Variants in PPP2CA observed in about 807,000 individuals in gnomAD.
PPP2CA encodes the protein serine/threonine-protein phosphatase 2A catalytic subunit alpha isoform.
A neutral mutation model predicts 38.8 loss-of-function variants in PPP2CA; 5 were observed. That is an observed-to-expected ratio of 0.13 (90% CI 0.07 to 0.27). The LOEUF is 0.27. PPP2CA is among the 10% of genes least tolerant of loss of function. PPP2CA has a pLI of 1.00. For missense variants in PPP2CA, 88 were observed against 389.7 expected (o/e 0.23, Z 6.52); for synonymous variants, 152 against 134.0 (o/e 1.13, Z -0.93).
rs779374296 is a variant in PPP2CA at position 134,200,464 on chromosome 5, T to A, written c.609A>T (p.Pro203=). 2 of 1,614,098 alleles carry A rather than the reference T, an allele frequency of 1.2e-6. No individual in the cohort carries two copies. The highest frequency in any genetic ancestry group is 1.7e-6 in the Non-Finnish European group (2 of 1,179,980). ...ATATACCCCAACCACCACGGTCATC[T>A]GGATCTGACCACAGCAAGTCACACA... The part of the protein sequence containing the change: ...GPMCDLLWSD[P]DDRGGWGISP... The change falls in exon 5 of 7, where the codon CCA becomes CCT. Residue 203 remains proline (P), a synonymous_variant. Transcript: ENST00000481195.
At chr5:134,206,616 G>C (rs1762090132) in intron 1 of PPP2CA, among the ~76,000 whole-genome samples, 1 of 152,038 alleles carries the variant, frequency 6.6e-6, no homozygotes, top group African/African-American at 2.4e-5. Context: ...TCCCACCTCA[G>C]TAGTGGGGAC....
intron 1 of PPP2CA, among the ~76,000 whole-genome samples, chr5:134,224,736 A>T (rs1356370346): frequency 6.6e-6 from 1 of 152,248 alleles, no homozygotes; most frequent in Non-Finnish European, 1.5e-5. Flanking sequence ...CCCCAGGGGA[A>T]AACAAAAGGG....
Position 134,201,511 on chromosome 5 carries a change from T to C in PPP2CA, c.486+337A>G, listed in dbSNP as rs561590784. Among the ~76,000 whole-genome samples, 34 of 152,320 alleles carry C rather than the reference T, an allele frequency of 2.2e-4. 1 individual carries two copies. The highest frequency in any genetic ancestry group is 2.6e-4 in the Admixed American group (4 of 15,310). ...GTATCTTCATACTCATAAAATTTTATTGTAAGTTCTTTTGTGTGCACATCT... is the reference window on the plus strand; with the variant it reads ...GTATCTTCATACTCATAAAATTTTACTGTAAGTTCTTTTGTGTGCACATCT... On this transcript the variant is annotated intron_variant, in intron 3 of 6. Transcript: ENST00000481195.
chr5:134,211,476 ATTTTT>A (rs59314759), intron 1 of PPP2CA, among the ~76,000 whole-genome samples: 3 of 131,780 alleles, frequency 2.3e-5, no homozygotes, highest in Admixed American at 7.6e-5. Context: ...ATGGAAGACA[ATTTTT>A]TTTTTTTTTT....
In PPP2CA at chr5:134,197,300, T is replaced by TA. The variant is rs1761874728; in HGVS notation, c.*471dup. 6.5e-6 allele frequency: 1 copy of TA among 154,780 alleles called. No individual in the cohort carries two copies. 9.6% of individuals were successfully genotyped at this position (154,780 alleles called of 1,614,324 possible). ...TTAAATTAAACGGTATCCCTGAAAA[T>TA]AAAAAGAACAATTTCAAAACTCACA... On this transcript the variant is annotated 3_prime_UTR_variant, in exon 7 of 7. Coordinates refer to ENST00000481195, the MANE Select transcript of PPP2CA (RefSeq NM_002715.4).
Position 134,215,643 on chromosome 5 carries a change from T to C in PPP2CA, c.103-9512A>G, listed in dbSNP as rs538887569. On this transcript the variant is annotated intron_variant, in intron 1 of 6. Transcript: ENST00000481195. ...TTGTAGAGACAGGGTCTCACTATGC[T>C]GCCTAGGCTGGTCTTGAACTCCCGG... 1.1e-3 allele frequency among the ~76,000 whole-genome samples: 172 copies of C among 152,204 alleles called. 1 individual carries two copies. Among genetic ancestry groups the C allele is most frequent in the African/African-American group, 4.1e-3 (169 of 41,536 alleles).
chr5:134,213,416 G>GA (rs56697097), intron 1 of PPP2CA, among the ~76,000 whole-genome samples: 111,752 of 148,040 alleles, frequency 0.75, 42,391 homozygotes, highest in Non-Finnish European at 0.82. Context: ...CTACTGCTCA[G>GA]AAAAAAAAAA....
chr5:134,211,842 G>A (rs1430019220), intron 1 of PPP2CA, among the ~76,000 whole-genome samples: 1 of 152,104 alleles, frequency 6.6e-6, no homozygotes, highest in Non-Finnish European at 1.5e-5. Context: ...TTTTGGCTGA[G>A]TGCAGTGGCT....
At position 134,197,630 on chromosome 5, in the gene PPP2CA, T is replaced by G; in HGVS notation, c.*142A>C. 1.5e-6 allele frequency: 1 copy of G among 658,978 alleles called. No homozygotes were observed. The highest frequency in any genetic ancestry group is 2.7e-6 in the Non-Finnish European group (1 of 372,962). The allele number at this position is 658,978 out of a possible 1,614,324, so 40.8% of individuals were successfully genotyped here. On this transcript the variant is annotated 3_prime_UTR_variant, in exon 7 of 7. Transcript: ENST00000481195. ...GATGACAAGAGGCTTTGTATTTTTA[T>G]ATGGCACATCTTTTGGTCCATGTGA...
In PPP2CA at chr5:134,194,524, C is replaced by T. The variant is rs1023328374; in HGVS notation, c.*3248G>A. ...GTCACCACTGAAACAGAGAGTCGCA[C>T]GGTACATTTTAATTCCTTATCAACA... On this transcript the variant is annotated 3_prime_UTR_variant, in exon 7 of 7. Transcript: ENST00000481195. 6 of 152,282 alleles carry T rather than the reference C, an allele frequency of 3.9e-5. No homozygotes were observed. Among genetic ancestry groups the T allele is most frequent in the Admixed American group, 2.6e-4 (4 of 15,288 alleles). The allele number at this position is 152,282 out of a possible 1,614,324, so 9.4% of individuals were successfully genotyped here. A position where few individuals can be genotyped will look rare whatever the true frequency, so the allele number is the denominator to read the frequency against.
At chr5:134,218,629 C>T (rs1561742988) in intron 1 of PPP2CA, among the ~76,000 whole-genome samples, 1 of 151,848 alleles carries the variant, frequency 6.6e-6, no homozygotes, top group Non-Finnish European at 1.5e-5. Context: ...TTTCCTCCCT[C>T]ATCTGTGTAA....
rs1341449616 is a variant in PPP2CA at position 134,225,947 on chromosome 5, G to C, written c.-86C>G. 1 of 1,258,644 alleles carries C rather than the reference G, an allele frequency of 7.9e-7. No homozygotes were observed. Among genetic ancestry groups the C allele is most frequent in the African/African-American group, 1.5e-5 (1 of 65,934 alleles). The allele number at this position is 1,258,644 out of a possible 1,614,324, so 78.0% of individuals were successfully genotyped here. A position where few individuals can be genotyped will look rare whatever the true frequency, so the allele number is the denominator to read the frequency against. On this transcript the variant is annotated 5_prime_UTR_variant, in exon 1 of 7. Transcript: ENST00000481195. ...GGGCCTACACGCACACGCCGCCGCCGGTTCCTCGTGTACTTCTGGCGGCTG... is the reference window on the plus strand; with the variant it reads ...GGGCCTACACGCACACGCCGCCGCCCGTTCCTCGTGTACTTCTGGCGGCTG...
intron 1 of PPP2CA, among the ~76,000 whole-genome samples, chr5:134,207,610 G>C (rs376417234): frequency 6.6e-6 from 1 of 152,182 alleles, no homozygotes; most frequent in Non-Finnish European, 1.5e-5. Flanking sequence ...CTGGAGTACA[G>C]TGGCATGATC....
rs2239544 is a variant in PPP2CA at position 134,206,430 on chromosome 5, C to G, written c.103-299G>C. On this transcript the variant is annotated intron_variant, in intron 1 of 6. Coordinates refer to ENST00000481195, the MANE Select transcript of PPP2CA (RefSeq NM_002715.4). The stretch of plus-strand genomic sequence containing the variant: ...GCTGTCACATAAAACCAATGAAAAT[C>G]GAACAGGACATTCAGGTATCTACTT... Among the ~76,000 whole-genome samples, 134,729 of 152,272 alleles carry G rather than the reference C, an allele frequency of 0.88. 60,216 individuals carry two copies. Among genetic ancestry groups the G allele is most frequent in the African/African-American group, 0.97 (40,410 of 41,568 alleles).
chr5:134,205,868 T>C lies in PPP2CA; in HGVS notation c.312+54A>G, dbSNP rs750418888. ...AAAATAACTGGGGGAAAAAAAACTT[T>C]CAAGAGGACTGTCTTACCCATTTCA... On this transcript the variant is annotated intron_variant, in intron 2 of 6. Coordinates refer to ENST00000481195, the MANE Select transcript of PPP2CA (RefSeq NM_002715.4). 1.0e-5 allele frequency: 15 copies of C among 1,484,898 alleles called. No homozygotes were observed. In the South Asian group the frequency reaches 1.6e-4, roughly 16 times the overall value. 92.0% of individuals were successfully genotyped at this position (1,484,898 alleles called of 1,614,324 possible).
chr5:134,200,064 C>G (rs1387450624), intron 5 of PPP2CA, among the ~76,000 whole-genome samples: 1 of 152,154 alleles, frequency 6.6e-6, no homozygotes, highest in Non-Finnish European at 1.5e-5. Context: ...ACACCAACTC[C>G]CTATATCTTA....
intron 1 of PPP2CA, among the ~76,000 whole-genome samples, chr5:134,218,669 CT>C (rs11400515): frequency 7.5e-4 from 109 of 144,434 alleles, no homozygotes; most frequent in Admixed American, 1.4e-3. Flanking sequence ...TTGTTTCTTT[CT>C]TTTTTTTTTT....
At chr5:134,220,010 CAAAAAAAA>C (rs10578851) in intron 1 of PPP2CA, among the ~76,000 whole-genome samples, 1 of 103,536 alleles carries the variant, frequency 9.7e-6, no homozygotes, top group Non-Finnish European at 2.0e-5. Context: ...GGCTCCGTAT[CAAAAAAAA>C]AAAAAAAAAA....
chr5:134,209,394 A>T (rs1000046540), intron 1 of PPP2CA, among the ~76,000 whole-genome samples: 5 of 152,216 alleles, frequency 3.3e-5, no homozygotes, highest in Admixed American at 2.0e-4. Flanking sequence ...TTTTGGTCTC[A>T]ACTTACCAGC....
Sources: gnomAD v4.1 joint callset for allele counts (sites outside exome capture counted in the v4.1 genomes callset) on GRCh38, gnomAD v4.1.1 for gene constraint, MANE v1.5 for transcripts, NCBI Gene and HGNC (gene_info 2026-07-23, HGNC 2026-07-21) for gene names.